Variants in PLA2G4A observed in about 807,000 individuals in gnomAD.
PLA2G4A encodes the protein phospholipase A2 group IVA, also known as cytosolic phospholipase A2.
Under a neutral mutation model 81.9 loss-of-function variants are expected in PLA2G4A, and 40 were observed. The ratio of observed to expected loss-of-function variants is 0.49; its 90% CI spans 0.38 to 0.64. The LOEUF (loss-of-function observed/expected upper bound fraction) is 0.64, where lower values mean the gene tolerates loss of function less well. Among genes scored for constraint, PLA2G4A ranks in the 30% least tolerant of loss-of-function variants. PLA2G4A has a pLI of 0.00. For missense variants in PLA2G4A, 715 were observed against 905.1 expected (o/e 0.79, Z 2.69); for synonymous variants, 302 against 296.9 (o/e 1.02, Z -0.18).
chr1:186,885,249 A>G (rs1212794743), intron 3 of PLA2G4A, among the ~76,000 whole-genome samples: 1 of 152,186 alleles, frequency 6.6e-6, no homozygotes, highest in Non-Finnish European at 1.5e-5. Context: ...AAAACAGGAC[A>G]AAGATATTGG....
intron 6 of PLA2G4A, among the ~76,000 whole-genome samples, chr1:186,908,711 C>T (rs557119613): frequency 6.6e-6 from 1 of 151,720 alleles, no homozygotes; most frequent in South Asian, 2.1e-4. Context: ...GTTTGAATTA[C>T]TTTTATTTAT....
intron 15 of PLA2G4A, among the ~76,000 whole-genome samples, chr1:186,969,479 T>G (rs1327178007): frequency 6.6e-6 from 1 of 151,926 alleles, no homozygotes; most frequent in Non-Finnish European, 1.5e-5. Flanking sequence ...TACCCAATTG[T>G]GCTACTGAAC....
intron 13 of PLA2G4A, among the ~76,000 whole-genome samples, chr1:186,955,003 G>A (rs1555201): frequency 0.96 from 145,779 of 152,190 alleles, 69,861 homozygotes; most frequent in East Asian, 1. Flanking sequence ...TTATCAGTGA[G>A]GAAATGGAGG....
chr1:186,914,473 C>G (rs1655071715), intron 7 of PLA2G4A, among the ~76,000 whole-genome samples: 1 of 152,018 alleles, frequency 6.6e-6, no homozygotes, highest in Non-Finnish European at 1.5e-5. Flanking sequence ...GTCTCAAGAG[C>G]CGAGCTCCCT....
chr1:186,905,726 G>C (rs1055104513), intron 5 of PLA2G4A, among the ~76,000 whole-genome samples: 1 of 141,852 alleles, frequency 7.0e-6, no homozygotes, highest in Non-Finnish European at 1.5e-5. Flanking sequence ...ACACACAAAC[G>C]AACAGTAATT....
At chr1:186,896,580 C>G (rs776158026) in intron 5 of PLA2G4A, among the ~76,000 whole-genome samples, 4 of 152,162 alleles carry the variant, frequency 2.6e-5, no homozygotes, top group Admixed American at 6.5e-5. Context: ...TCTTTCTTCA[C>G]TTTAGTTCAT....
chr1:186,877,290 GC>G (rs1033190283), intron 3 of PLA2G4A, among the ~76,000 whole-genome samples: 29 of 151,954 alleles, frequency 1.9e-4, no homozygotes, highest in Admixed American at 1.7e-3. Flanking sequence ...GTTGACGTAT[GC>G]AAAGTACTTA....
At position 186,911,258 on chromosome 1, in the gene PLA2G4A, G is replaced by C; in HGVS notation, c.427G>C (p.Asp143His). Reference sequence around the variant, plus strand: ...TGTTTGGTATTACAGCTCATGCCCAGACCTACGATTTAGTATGGCTCTGTG... The same window carrying C: ...TGTTTGGTATTACAGCTCATGCCCACACCTACGATTTAGTATGGCTCTGTG... The part of the protein sequence containing the change: ...EMSLEVCSCP[D>H]LRFSMALCDQ... Residue 143 changes from aspartate (D) to histidine (H), a missense_variant, in exon 7 of 18, where the codon GAC becomes CAC. Physicochemically the swap from Asp to His is moderately conservative, Grantham distance 81. Transcript: ENST00000367466. The C allele has an allele frequency of 6.2e-7, 1 of 1,613,488 alleles. No homozygotes were observed. Among genetic ancestry groups the C allele is most frequent in the South Asian group, 1.1e-5 (1 of 91,056 alleles).
intron 14 of PLA2G4A, among the ~76,000 whole-genome samples, chr1:186,964,928 C>T (rs945172275): frequency 6.6e-6 from 1 of 152,222 alleles, no homozygotes; most frequent in Non-Finnish European, 1.5e-5. Flanking sequence ...GGGAACCATA[C>T]AGAGTCTGCC....
chr1:186,872,836 C>A lies in PLA2G4A; in HGVS notation c.115+2320C>A, dbSNP rs563489409. Among the ~76,000 whole-genome samples the A allele has an allele frequency of 3.3e-5, 5 of 152,054 alleles. No homozygotes were observed. In the East Asian group the frequency reaches 9.6e-4, roughly 29 times the overall value. On this transcript the variant is annotated intron_variant, in intron 3 of 17. Coordinates refer to ENST00000367466, the MANE Select transcript of PLA2G4A (RefSeq NM_024420.3). ...AGGGAACATTTAGGTTTTGGTTCCC[C>A]ACAGTGTACATAACACAGATTAGAC... is the stretch of plus-strand genomic sequence containing the variant.
intron 14 of PLA2G4A, among the ~76,000 whole-genome samples, chr1:186,964,259 C>G (rs930549544): frequency 6.6e-6 from 1 of 152,226 alleles, no homozygotes; most frequent in African/African-American, 2.4e-5. Flanking sequence ...GGCATTTTAT[C>G]CAGTTCAATT....
chr1:186,867,139 C>T (rs964236919), intron 2 of PLA2G4A, among the ~76,000 whole-genome samples: 5 of 152,016 alleles, frequency 3.3e-5, no homozygotes, highest in African/African-American at 1.2e-4. Flanking sequence ...TGCATAGGGT[C>T]AGTCCTCTAA....
At chr1:186,981,723 C>G (rs540951933) in intron 17 of PLA2G4A, among the ~76,000 whole-genome samples, 63 of 152,160 alleles carry the variant, frequency 4.1e-4, no homozygotes, top group African/African-American at 1.4e-3. Flanking sequence ...CTAGTAAGTC[C>G]CCATTTCCCC....
chr1:186,871,326 A>T (rs1653259139), intron 3 of PLA2G4A, among the ~76,000 whole-genome samples: 1 of 152,216 alleles, frequency 6.6e-6, no homozygotes, highest in African/African-American at 2.4e-5. Flanking sequence ...ACAAATAACA[A>T]TGGATACAAC....
intron 5 of PLA2G4A, among the ~76,000 whole-genome samples, chr1:186,901,723 A>G (rs1452431932): frequency 1.3e-5 from 2 of 152,206 alleles, no homozygotes; most frequent in Non-Finnish European, 2.9e-5. Flanking sequence ...AAATTAAGGA[A>G]CATGAGATTA....
At chr1:186,850,190 C>T (rs1467409233) in intron 1 of PLA2G4A, among the ~76,000 whole-genome samples, 1 of 152,080 alleles carries the variant, frequency 6.6e-6, no homozygotes, top group Admixed American at 6.6e-5. Flanking sequence ...TCACATGAAA[C>T]TTACTTCTAT....
At chr1:186,980,632 TG>T (rs538773863) in intron 17 of PLA2G4A, among the ~76,000 whole-genome samples, 3 of 152,338 alleles carry the variant, frequency 2.0e-5, no homozygotes, top group Admixed American at 2.0e-4. Context: ...TCTGTTTATA[TG>T]GGCTCTAATT....
intron 17 of PLA2G4A, among the ~76,000 whole-genome samples, chr1:186,984,953 G>C (rs1164660046): frequency 6.6e-6 from 1 of 152,132 alleles, no homozygotes; most frequent in Admixed American, 6.5e-5. Context: ...GGATTACTTA[G>C]GCAGGTTACT....
intron 4 of PLA2G4A, among the ~76,000 whole-genome samples, chr1:186,893,513 A>C (rs1654221163): frequency 1.3e-5 from 2 of 152,228 alleles, no homozygotes; most frequent in Admixed American, 1.3e-4. Context: ...TTTCTGCATT[A>C]ATATCTTTCT....
Sources: gnomAD v4.1 joint callset for allele counts (sites outside exome capture counted in the v4.1 genomes callset) on GRCh38, gnomAD v4.1.1 for gene constraint, MANE v1.5 for transcripts, NCBI Gene and HGNC (gene_info 2026-07-23, HGNC 2026-07-21) for gene names.